CEACAM3: variants seen among roughly 807,000 people sequenced by gnomAD.
CEACAM3 encodes the protein CEA cell adhesion molecule 3, also known as cell adhesion molecule CEACAM3.
In CEACAM3, 32 loss-of-function variants were observed where a neutral mutation model predicts 30.1. The observed-to-expected ratio is 1.06, with a 90% CI of 0.80 to 1.43. The LOEUF (loss-of-function observed/expected upper bound fraction) is 1.43. CEACAM3 is among the 40% of genes most tolerant of loss of function. CEACAM3 has a pLI of 0.00. For synonymous variants in CEACAM3, 134 were observed against 127.2 expected (o/e 1.05, Z -0.36); for missense variants, 290 against 316.3 (o/e 0.92, Z 0.63).
At chr19:41,809,215 A>AGGAGGGAGGGAAGTAG (rs2073228909) in intron 3 of CEACAM3, 1 of 161,062 alleles carries the variant, frequency 6.2e-6, no homozygotes. Flanking sequence ...GAGGGAGAGA[A>AGGAGGGAGGGAAGTAG]GGAGGGAGGG....
At chr19:41,809,585 T>C (rs2073231898) in intron 3 of CEACAM3, 1 of 196,958 alleles carries the variant, frequency 5.1e-6, no homozygotes, top group African/African-American at 2.3e-5. Flanking sequence ...TCCAGGAGAA[T>C]CCAAGACACT....
In CEACAM3 at chr19:41,799,713, C is replaced by T. The variant is rs143318018; in HGVS notation, c.424+1765C>T. ...ACTCCCCACTCACACCCTGCACCAG[C>T]GCAGGGCCCAGTGAGAGACACACAC... On this transcript the variant is annotated intron_variant, in intron 2 of 6. Coordinates refer to ENST00000357396, the MANE Select transcript of CEACAM3 (RefSeq NM_001815.5). 1.3e-3 allele frequency among the ~76,000 whole-genome samples: 191 copies of T among 152,246 alleles called. 1 individual carries two copies. The highest frequency in any genetic ancestry group is 4.4e-3 in the African/African-American group (183 of 41,564).
At chr19:41,809,002 C>T in intron 3 of CEACAM3, 72 bp downstream of exon 3, 1 of 1,156,898 alleles carries the variant, frequency 8.6e-7, no homozygotes, top group Non-Finnish European at 1.2e-6. Flanking sequence ...GAGACCTTGT[C>T]CTGTATTCAG....
At chr19:41,798,552 G>A (rs1280029724) in intron 2 of CEACAM3, among the ~76,000 whole-genome samples, 2 of 152,228 alleles carry the variant, frequency 1.3e-5, no homozygotes, top group Non-Finnish European at 2.9e-5. Context: ...CTTTACCTGA[G>A]ACTCAGCATG....
In CEACAM3 at chr19:41,811,155, C is replaced by T; in HGVS notation, c.694-17C>T. 1 of 1,613,916 alleles carries T rather than the reference C, an allele frequency of 6.2e-7. No homozygotes were observed. Among genetic ancestry groups the T allele is most frequent in the Non-Finnish European group, 8.5e-7 (1 of 1,179,820 alleles). On this transcript the variant is annotated splice_polypyrimidine_tract_variant and intron_variant, in intron 6 of 6. Transcript: ENST00000357396. Reference sequence around the variant, plus strand: ...GAGGAGACTAGAGGGGTCCAGGCCTCTTCTCTGTTTTAACAGGAATTGCTA... The same window carrying T: ...GAGGAGACTAGAGGGGTCCAGGCCTTTTCTCTGTTTTAACAGGAATTGCTA...
At chr19:41,807,450 G>A in intron 2 of CEACAM3, 2 of 1,269,130 alleles carry the variant, frequency 1.6e-6, no homozygotes, top group East Asian at 7.5e-5. Flanking sequence ...CAGAGGCCAG[G>A]CCTCTCAGTC....
intron 1 of CEACAM3, 125 bp downstream of exon 1, chr19:41,796,866 A>T: frequency 1.1e-6 from 1 of 951,024 alleles, no homozygotes; most frequent in South Asian, 1.7e-5. Context: ...GGGAGAGAAC[A>T]TCAGAGAGGG....
chr19:41,808,893 G>A lies in CEACAM3; in HGVS notation c.505G>A (p.Ala169Thr), dbSNP rs374796334. The A allele has an allele frequency of 1.8e-5, 29 of 1,606,554 alleles. No individual in the cohort carries two copies. The African/African-American group carries it at 2.7e-4, about 15-fold the overall frequency. ...GVLVGVALVAALVCFLLLAKT... is the reference protein window; with the variant it reads ...GVLVGVALVATLVCFLLLAKT... ...CCTGGTCGGAGTGGCGCTGGTGGCCGCGCTGGTGTGTTTCCTGCTCCTTGC... is the reference window on the plus strand; with the variant it reads ...CCTGGTCGGAGTGGCGCTGGTGGCCACGCTGGTGTGTTTCCTGCTCCTTGC... The change falls in exon 3 of 7, where the codon GCG becomes ACG. Residue 169 changes from alanine to threonine, a missense_variant. Physicochemically the swap from Ala to Thr is moderately conservative, Grantham distance 58 (BLOSUM62 0). Coordinates refer to ENST00000357396, the MANE Select transcript of CEACAM3 (RefSeq NM_001815.5).
At chr19:41,803,471 T>TTTTTTG (rs1555826266) in intron 2 of CEACAM3, among the ~76,000 whole-genome samples, 1 of 115,024 alleles carries the variant, frequency 8.7e-6, no homozygotes, top group African/African-American at 3.1e-5. Flanking sequence ...GTTTTGTTTG[T>TTTTTTG]TTTTTTTTTT....
intron 1 of CEACAM3, 39 bp from the exon 2 acceptor site, chr19:41,797,550 C>T (rs1555825348): frequency 6.3e-7 from 1 of 1,584,804 alleles, no homozygotes; most frequent in Admixed American, 1.7e-5. Context: ...CATCCCAATA[C>T]ATGGGTCCCA....
Position 41,797,730 on chromosome 19 carries a change from A to G in CEACAM3, c.206A>G (p.Lys69Arg), listed in dbSNP as rs150578893. Residue 69 changes from lysine to arginine, a missense_variant, in exon 2 of 7, where the codon AAA becomes AGA. Coordinates refer to ENST00000357396, the MANE Select transcript of CEACAM3 (RefSeq NM_001815.5). ...PQHLFGYSWY[K>R]GERVDGNSLI... ...CATCTTTTTGGCTACAGCTGGTACA[A>G]AGGGGAAAGAGTGGATGGCAACAGT... is the stretch of plus-strand genomic sequence containing the variant. 3.2e-5 allele frequency: 52 copies of G among 1,613,896 alleles called. No homozygotes were observed. Among genetic ancestry groups the G allele is most frequent in the Non-Finnish European group, 2.4e-5 (28 of 1,179,946 alleles).
chr19:41,803,660 G>A (rs193243433), intron 2 of CEACAM3, among the ~76,000 whole-genome samples: 2 of 124,038 alleles, frequency 1.6e-5, no homozygotes, highest in Admixed American at 1.9e-4. Context: ...TAGAGACGGA[G>A]TTTCACCGTG....
chr19:41,808,662 G>A, intron 2 of CEACAM3, 151 bp from the exon 3 acceptor site: 2 of 639,616 alleles, frequency 3.1e-6, no homozygotes, highest in South Asian at 2.0e-5. Context: ...TGGAAAGCAA[G>A]GGAATCTGTG....
intron 2 of CEACAM3, among the ~76,000 whole-genome samples, chr19:41,804,807 A>G (rs912580916): frequency 1.4e-4 from 22 of 152,128 alleles, no homozygotes; most frequent in African/African-American, 5.3e-4. Flanking sequence ...ATTTCCACTG[A>G]TAGAAAAAAA....
intron 6 of CEACAM3, 88 bp from the exon 7 acceptor site, chr19:41,811,084 C>A: frequency 1.4e-6 from 2 of 1,446,026 alleles, no homozygotes; most frequent in Non-Finnish European, 1.9e-6. Context: ...AGCCCCAGAG[C>A]AGCCCTGGAT....
intron 4 of CEACAM3, 151 bp from the exon 5 acceptor site, chr19:41,810,172 G>A: frequency 7.9e-7 from 1 of 1,261,122 alleles, no homozygotes; most frequent in South Asian, 1.3e-5. Context: ...CAATTGCTTG[G>A]GTCAGCCCTC....
intron 2 of CEACAM3, among the ~76,000 whole-genome samples, chr19:41,800,371 A>T (rs565816102): frequency 6.6e-6 from 1 of 152,228 alleles, no homozygotes; most frequent in African/African-American, 2.4e-5. Flanking sequence ...CGGTAGCGTA[A>T]GTGTCAAGGG....
At chr19:41,798,178 G>C in intron 2 of CEACAM3, 1 of 724,852 alleles carries the variant, frequency 1.4e-6, no homozygotes, top group East Asian at 3.0e-5. Context: ...AGTCTGATGG[G>C]GGGACTCAGC....
intron 2 of CEACAM3, among the ~76,000 whole-genome samples, chr19:41,802,544 C>T (rs781911721): frequency 6.6e-5 from 10 of 152,152 alleles, no homozygotes; most frequent in Non-Finnish European, 1.2e-4. Context: ...GGAGGCTCAG[C>T]ATGGACATGC....
Sources: allele counts gnomAD v4.1 joint callset (sites outside exome capture counted in the v4.1 genomes callset), GRCh38; gene constraint gnomAD v4.1.1; transcripts MANE v1.5; gene names NCBI Gene and HGNC (gene_info 2026-07-23, HGNC 2026-07-21).